Variants in PHF21A observed in about 807,000 individuals in gnomAD.
PHF21A encodes PHD finger protein 21A, also known as BHC80a.
Under a neutral mutation model 82.5 loss-of-function variants are expected in PHF21A, and 11 were observed. That is an observed-to-expected ratio of 0.13 (90% CI 0.08 to 0.22). The LOEUF (loss-of-function observed/expected upper bound fraction) is 0.22. PHF21A is among the 10% of genes least tolerant of loss of function. The pLI is 1.00. For synonymous variants in PHF21A, 297 were observed against 302.8 expected (o/e 0.98, Z 0.20); for missense variants, 579 against 837.8 (o/e 0.69, Z 3.81).
intron 1 of PHF21A, among the ~76,000 whole-genome samples, chr11:46,106,021 AG>A (rs2097148816): frequency 6.6e-6 from 1 of 152,362 alleles, no homozygotes; most frequent in Non-Finnish European, 1.5e-5. Context: ...AATAAATACA[AG>A]GAACAGGACT....
chr11:46,092,405 A>G (rs2096936111), intron 1 of PHF21A, among the ~76,000 whole-genome samples, 182 bp from the exon 2 acceptor site: 1 of 152,222 alleles, frequency 6.6e-6, no homozygotes. Context: ...CAGCAAAGAA[A>G]AGAACTCAAG....
At chr11:46,044,426 C>T (rs1001192721) in intron 6 of PHF21A, among the ~76,000 whole-genome samples, 9 of 151,958 alleles carry the variant, frequency 5.9e-5, no homozygotes, top group Admixed American at 4.6e-4. Flanking sequence ...TTCCAGTGAC[C>T]CCGGTACTAC....
intron 6 of PHF21A, among the ~76,000 whole-genome samples, chr11:46,029,795 T>C (rs572850771): frequency 1.3e-5 from 2 of 152,304 alleles, no homozygotes; most frequent in South Asian, 4.1e-4. Context: ...AAATGTCCGT[T>C]AGAGTGCTTT....
At chr11:46,077,081 C>T (rs868654792) in intron 5 of PHF21A, among the ~76,000 whole-genome samples, 2 of 152,170 alleles carry the variant, frequency 1.3e-5, no homozygotes, top group African/African-American at 2.4e-5. Context: ...GCATCTTGTA[C>T]GGTAAGAGTA....
At chr11:46,032,159 A>G (rs1037500020) in intron 6 of PHF21A, among the ~76,000 whole-genome samples, 3 of 152,204 alleles carry the variant, frequency 2.0e-5, no homozygotes, top group Admixed American at 2.0e-4. Context: ...AGTTAGGATC[A>G]CCCTGCTACA....
At chr11:45,989,851 T>G (rs1009344505) in intron 6 of PHF21A, among the ~76,000 whole-genome samples, 1 of 150,470 alleles carries the variant, frequency 6.6e-6, no homozygotes, top group African/African-American at 2.4e-5. Flanking sequence ...ATACAAAAAT[T>G]AGCCAAGGAT....
At chr11:45,988,705 A>G (rs1484958005) in intron 6 of PHF21A, among the ~76,000 whole-genome samples, 1 of 152,064 alleles carries the variant, frequency 6.6e-6, no homozygotes, top group Non-Finnish European at 1.5e-5. Flanking sequence ...CCTGGCCAAC[A>G]TGGCAAAAAT....
intron 6 of PHF21A, among the ~76,000 whole-genome samples, chr11:46,003,804 G>T (rs1469845645): frequency 6.6e-6 from 1 of 152,138 alleles, no homozygotes; most frequent in African/African-American, 2.4e-5. Context: ...GCAGACATTT[G>T]CCCTTCATCA....
intron 9 of PHF21A, among the ~76,000 whole-genome samples, chr11:45,968,672 T>TA (rs904100119): frequency 6.6e-6 from 1 of 152,070 alleles, no homozygotes; most frequent in Non-Finnish European, 1.5e-5. Flanking sequence ...CTCAGGCCTG[T>TA]AAACCCAGCA....
intron 2 of PHF21A, among the ~76,000 whole-genome samples, chr11:46,090,926 A>T (rs2096917015): frequency 6.6e-6 from 1 of 152,170 alleles, no homozygotes; most frequent in Admixed American, 6.5e-5. Context: ...TCACAAAAAA[A>T]ATTTGCAACC....
At chr11:45,995,823 T>G (rs1041462168) in intron 6 of PHF21A, among the ~76,000 whole-genome samples, 14 of 152,294 alleles carry the variant, frequency 9.2e-5, no homozygotes, top group African/African-American at 3.1e-4. Flanking sequence ...TGGAAACCAG[T>G]AAACAAATGA....
chr11:46,113,364 TC>T (rs1308705747), intron 1 of PHF21A, among the ~76,000 whole-genome samples: 1 of 152,156 alleles, frequency 6.6e-6, no homozygotes, highest in Non-Finnish European at 1.5e-5. Context: ...GGAAAAAGTA[TC>T]AATATTTAGA....
intron 11 of PHF21A, among the ~76,000 whole-genome samples, chr11:45,951,790 C>G (rs1375976758): frequency 2.0e-5 from 3 of 148,912 alleles, no homozygotes; most frequent in Non-Finnish European, 3.0e-5. Context: ...AAAAAAATGT[C>G]CTCTCTTGTG....
At chr11:46,101,724 C>G (rs1455433815) in intron 1 of PHF21A, among the ~76,000 whole-genome samples, 1 of 152,146 alleles carries the variant, frequency 6.6e-6, no homozygotes, top group African/African-American at 2.4e-5. Context: ...CAGCCTCGAC[C>G]TACCAGGCTT....
chr11:46,070,915 T>C (rs1400213871), intron 6 of PHF21A, among the ~76,000 whole-genome samples: 2 of 152,214 alleles, frequency 1.3e-5, no homozygotes, highest in African/African-American at 4.8e-5. Context: ...ACAGGGTATC[T>C]CATGGGGAAA....
chr11:45,981,392 C>CAAA lies in PHF21A; in HGVS notation c.154-1429_154-1427dup, dbSNP rs59866051. ...TGGGTGACAGAGTGAAACCCTGTCT[C>CAAA]AAAAAAAAAAAAAAAAAAAAAAAAA... is the stretch of plus-strand genomic sequence containing the variant. On this transcript the variant is annotated intron_variant, in intron 6 of 18. Coordinates refer to ENST00000676320, the MANE Select transcript of PHF21A (RefSeq NM_001352027.3). Among the ~76,000 whole-genome samples the CAAA allele has an allele frequency of 3.8e-3, 229 of 60,290 alleles. 10 individuals carry two copies. Among genetic ancestry groups the CAAA allele is most frequent in the African/African-American group, 0.014 (206 of 14,544 alleles). 39.6% of individuals were successfully genotyped at this position (60,290 alleles called of 152,430 possible).
intron 6 of PHF21A, among the ~76,000 whole-genome samples, chr11:46,026,206 A>G (rs1018569262): frequency 6.6e-6 from 1 of 152,244 alleles, no homozygotes. Context: ...GGGGATAGAT[A>G]TATCTATAAA....
At chr11:45,976,461 T>G (rs903963609) in intron 7 of PHF21A, among the ~76,000 whole-genome samples, 7 of 152,206 alleles carry the variant, frequency 4.6e-5, no homozygotes, top group African/African-American at 9.7e-5. Context: ...TGAATAAAAA[T>G]TATTAATAAT....
chr11:46,067,230 C>T (rs2096605180), intron 6 of PHF21A, among the ~76,000 whole-genome samples: 1 of 152,086 alleles, frequency 6.6e-6, no homozygotes, highest in East Asian at 1.9e-4. Context: ...TAGGTTTGCA[C>T]TATGCAAAGA....
Sources: gnomAD v4.1 joint callset for allele counts (sites outside exome capture counted in the v4.1 genomes callset) on GRCh38, gnomAD v4.1.1 for gene constraint, MANE v1.5 for transcripts, NCBI Gene and HGNC (gene_info 2026-07-23, HGNC 2026-07-21) for gene names.